The following LYSMD4 variants were observed in gnomAD, a reference collection of about 807,000 sequenced individuals.
LYSMD4 encodes LysM domain containing 4, also known as lysM and putative peptidoglycan-binding domain-containing protein 4.
Under a neutral mutation model 6.1 loss-of-function variants are expected in LYSMD4, and 9 were observed. The ratio of observed to expected loss-of-function variants is 1.47; its 90% confidence interval spans 0.88 to 2.56. The LOEUF is 2.56. LYSMD4 is among the 30% of genes most tolerant of loss of function. The pLI is 0.00. For missense variants in LYSMD4, 384 were observed against 373.5 expected, an observed-to-expected ratio of 1.03 and a Z score of -0.23; for synonymous variants, 143 against 148.5, an observed-to-expected ratio of 0.96 and a Z score of 0.27.
downstream of LYSMD4, among the ~76,000 whole-genome samples, chr15:99,724,157 G>A (rs989671179): frequency 1.3e-5 from 2 of 151,202 alleles, no homozygotes; most frequent in South Asian, 2.1e-4. Flanking sequence ...CTAAGGAAAT[G>A]TCATCTCCTC....
intron 1 of LYSMD4, 84 bp downstream of exon 1, chr15:99,733,261 T>C (rs1355393689): frequency 7.8e-6 from 3 of 383,090 alleles, no homozygotes; most frequent in Non-Finnish European, 9.3e-6. Flanking sequence ...CCGCGAACCC[T>C]CGAGCGAGGC....
Position 99,729,129 on chromosome 15 carries a change from C to T in LYSMD4, c.885G>A (p.Gly295=), listed in dbSNP as rs1270970906. The change falls in exon 3 of 3, where the codon GGG becomes GGA. Residue 295 remains glycine (G), a synonymous_variant. Coordinates refer to ENST00000684762, the MANE Select transcript of LYSMD4 (RefSeq NM_001284417.2). The part of the protein sequence containing the change: ...DSQFSQTTQA[G]S ...TAGTCTTTAAAAACAAAGCTTAGCT[C>T]CCCGCTTGGGTGGTCTGACTGAACT... The T allele has an allele frequency of 6.2e-7, 1 of 1,612,090 alleles. No individual in the cohort carries two copies. Among genetic ancestry groups the T allele is most frequent in the African/African-American group, 1.3e-5 (1 of 74,912 alleles).
At chr15:99,718,119 C>T (rs2059204589), upstream of LYSMD4, among the ~76,000 whole-genome samples, 2 of 152,178 alleles carry the variant, frequency 1.3e-5, no homozygotes, top group Non-Finnish European at 2.9e-5. Context: ...ATCCAGGATC[C>T]CACATTCCCT....
downstream of LYSMD4, among the ~76,000 whole-genome samples, chr15:99,725,351 C>T (rs201806136): frequency 3.3e-5 from 5 of 152,134 alleles, no homozygotes; most frequent in Non-Finnish European, 7.4e-5. Context: ...ATGTGTCTGC[C>T]CTTTTGACCT....
exon 1 of LYSMD4, chr15:99,716,952 C>T (rs2059189505): frequency 3.2e-6 from 1 of 308,166 alleles, no homozygotes; most frequent in African/African-American, 2.2e-5. Flanking sequence ...GAGCTAGATG[C>T]AGCAGAAGAC....
upstream of LYSMD4, among the ~76,000 whole-genome samples, chr15:99,719,196 A>G (rs2059219614): frequency 6.6e-6 from 1 of 152,192 alleles, no homozygotes; most frequent in African/African-American, 2.4e-5. Flanking sequence ...TACACTATCC[A>G]GTCAAGACAG....
chr15:99,719,622 T>C (rs1459174977), upstream of LYSMD4, among the ~76,000 whole-genome samples: 2 of 152,214 alleles, frequency 1.3e-5, no homozygotes, highest in Non-Finnish European at 2.9e-5. Context: ...GGATGTACCA[T>C]GGTGCTAGGC....
upstream of LYSMD4, among the ~76,000 whole-genome samples, chr15:99,719,156 A>ATGTGGTTT (rs2059219256): frequency 6.6e-6 from 1 of 151,400 alleles, no homozygotes; most frequent in Non-Finnish European, 1.5e-5. Context: ...GAGAGCATTT[A>ATGTGGTTT]TGTGGTTTTG....
chr15:99,729,590 C>G lies in LYSMD4; in HGVS notation c.424G>C (p.Glu142Gln). Residue 142 changes from glutamate to glutamine, a missense_variant, in exon 3 of 3, where the codon GAG becomes CAG. Transcript: ENST00000684762. ...ELKPLLSPSS[E>Q]TTVTVELPEA... Reference sequence around the variant, plus strand: ...GGCAGTTCCACGGTCACTGTGGTCTCGGAAGACGGGCTCAGAAGGGGTTTC... The same window carrying G: ...GGCAGTTCCACGGTCACTGTGGTCTGGGAAGACGGGCTCAGAAGGGGTTTC... 2.5e-6 allele frequency: 4 copies of G among 1,614,166 alleles called. No individual in the cohort carries two copies. The highest frequency in any genetic ancestry group is 1.3e-5 in the African/African-American group (1 of 75,040).
chr15:99,718,537 C>T (rs1472157969), upstream of LYSMD4, among the ~76,000 whole-genome samples: 6 of 152,342 alleles, frequency 3.9e-5, no homozygotes, highest in African/African-American at 1.4e-4. Flanking sequence ...CGAGGAACAG[C>T]TGTCCCTTCT....
intron 1 of LYSMD4, among the ~76,000 whole-genome samples, chr15:99,732,487 G>C (rs2059442519): frequency 6.6e-6 from 1 of 152,246 alleles, no homozygotes; most frequent in Non-Finnish European, 1.5e-5. Flanking sequence ...GCTCAGAACT[G>C]TGGGGCTAAA....
chr15:99,726,849 C>T (rs977005065), downstream of LYSMD4, among the ~76,000 whole-genome samples: 5 of 152,106 alleles, frequency 3.3e-5, no homozygotes, highest in African/African-American at 9.7e-5. Context: ...TTCTTATATA[C>T]ACCTAATAAA....
chr15:99,725,264 T>G (rs1023541622), downstream of LYSMD4, among the ~76,000 whole-genome samples: 1 of 152,238 alleles, frequency 6.6e-6, no homozygotes, highest in Non-Finnish European at 1.5e-5. Flanking sequence ...CCTAGGCTCC[T>G]AGATCAATTG....
downstream of LYSMD4, among the ~76,000 whole-genome samples, chr15:99,722,600 A>G (rs535513896): frequency 6.6e-6 from 1 of 152,360 alleles, no homozygotes; most frequent in East Asian, 1.9e-4. Flanking sequence ...GAATGACATA[A>G]ATGACGGAAT....
chr15:99,729,055 C>G lies in LYSMD4; in HGVS notation c.*68G>C. The G allele has an allele frequency of 6.3e-7, 1 of 1,581,608 alleles. No homozygotes were observed. Among genetic ancestry groups the G allele is most frequent in the Non-Finnish European group, 8.6e-7 (1 of 1,161,058 alleles). ...GCAAAATGCAGCACCCCTAGGACAT[C>G]GCCAGTGACAGCTGAGGCACATCAA... On this transcript the variant is annotated 3_prime_UTR_variant, in exon 3 of 3. Transcript: ENST00000684762.
exon 1 of LYSMD4, chr15:99,717,513 C>T (rs867884632): frequency 2.2e-4 from 10 of 45,022 alleles, no homozygotes; most frequent in African/African-American, 7.8e-4. Context: ...AGGTTTCAGA[C>T]GTTCCAGGTC....
At chr15:99,718,289 G>T (rs1478870545), upstream of LYSMD4, among the ~76,000 whole-genome samples, 1 of 152,182 alleles carries the variant, frequency 6.6e-6, no homozygotes, top group Non-Finnish European at 1.5e-5. Flanking sequence ...TGTCCCTAAT[G>T]CATCATGGGG....
rs1208727146 is a variant in LYSMD4 at position 99,731,648 on chromosome 15, A to T, written c.282+70T>A. ...CAGGGTTAAGAAGGGCGGCAAGGGC[A>T]CCCACCCTGCAGTGAGTTCCCCGTG... On this transcript the variant is annotated intron_variant, in intron 2 of 2. Transcript: ENST00000684762. 2.0e-6 allele frequency: 3 copies of T among 1,522,824 alleles called. No individual in the cohort carries two copies. In the African/African-American group the frequency reaches 4.2e-5, roughly 21 times the overall value. The allele number at this position is 1,522,824 out of a possible 1,614,324, so 94.3% of individuals were successfully genotyped here.
At chr15:99,719,600 C>T (rs558653055), upstream of LYSMD4, among the ~76,000 whole-genome samples, 1 of 152,346 alleles carries the variant, frequency 6.6e-6, no homozygotes, top group Admixed American at 6.5e-5. Context: ...TAGACGTTTT[C>T]ATCCATGGTG....
Sources: allele counts gnomAD v4.1 joint callset (sites outside exome capture counted in the v4.1 genomes callset), GRCh38; gene constraint gnomAD v4.1.1; transcripts MANE v1.5; gene names NCBI Gene and HGNC (gene_info 2026-07-23, HGNC 2026-07-21).